The following SLC25A48 variants were observed in gnomAD, a reference collection of about 807,000 sequenced individuals.
SLC25A48 encodes the protein CTC-321K16.1.
Under a neutral mutation model 32.2 loss-of-function variants are expected in SLC25A48, and 29 were observed. The ratio of observed to expected loss-of-function variants is 0.90; its 90% CI spans 0.67 to 1.23. The LOEUF (loss-of-function observed/expected upper bound fraction) is 1.23, where lower values mean the gene tolerates loss of function less well. Among genes scored for constraint, SLC25A48 ranks in the 50% most tolerant of loss-of-function variants. SLC25A48 has a pLI of 0.00. For missense variants in SLC25A48, 399 were observed against 422.7 expected, an observed-to-expected ratio of 0.94 and a Z score of 0.49; for synonymous variants, 164 against 172.3, an observed-to-expected ratio of 0.95 and a Z score of 0.38.
chr5:135,709,162 AAGGTATCC>A (rs1370404535), intron 3 of SLC25A48, among the ~76,000 whole-genome samples: 1 of 152,200 alleles, frequency 6.6e-6, no homozygotes, highest in African/African-American at 2.4e-5. Context: ...GACAGCTCCC[AAGGTATCC>A]AGCCCCTGAG....
chr5:135,844,922 G>A (rs1318364265), intron 2 of SLC25A48, among the ~76,000 whole-genome samples: 1 of 152,194 alleles, frequency 6.6e-6, no homozygotes, highest in African/African-American at 2.4e-5. Context: ...TGTTGTTTCT[G>A]TAAAACCCAG....
intron 4 of SLC25A48, among the ~76,000 whole-genome samples, chr5:135,868,305 A>G (rs1581033460): frequency 1.3e-5 from 2 of 152,214 alleles, no homozygotes; most frequent in African/African-American, 4.8e-5. Context: ...GGAAAGCTCT[A>G]TTAACAAGCA....
At chr5:135,762,577 T>C (rs1756088613) in intron 3 of SLC25A48, among the ~76,000 whole-genome samples, 1 of 152,174 alleles carries the variant, frequency 6.6e-6, no homozygotes, top group African/African-American at 2.4e-5. Context: ...ATGGGTATAT[T>C]ATAGTATATA....
In SLC25A48 at chr5:135,742,464, T is replaced by C. The variant is rs988616489; in HGVS notation, c.-520-70059T>C. 2.3e-5 allele frequency: 36 copies of C among 1,554,758 alleles called. No individual in the cohort carries two copies. The African/African-American group carries it at 4.4e-4, about 19-fold the overall frequency. ...GGTTCCTGAGGTCTCACCTGTGTGT[T>C]TTCATCCTCTGCTAGGCCATGGGCA... is the stretch of plus-strand genomic sequence containing the variant. On this transcript the variant is annotated intron_variant, in intron 3 of 10. Coordinates refer to the SLC25A48 transcript ENST00000646290.
At chr5:135,874,541 G>T in intron 6 of SLC25A48, 1 of 568,448 alleles carries the variant, frequency 1.8e-6, no homozygotes, top group Non-Finnish European at 3.1e-6. Context: ...AGTGGGAAGT[G>T]CCAGAGCTGC....
chr5:135,746,783 C>T (rs1755651764), intron 3 of SLC25A48, among the ~76,000 whole-genome samples: 2 of 152,110 alleles, frequency 1.3e-5, no homozygotes, highest in African/African-American at 4.8e-5. Flanking sequence ...AATAAGACCC[C>T]TCCCACCCTA....
At chr5:135,877,222 G>A (rs766224306) in intron 6 of SLC25A48, among the ~76,000 whole-genome samples, 3 of 152,134 alleles carry the variant, frequency 2.0e-5, no homozygotes, top group South Asian at 2.1e-4. Context: ...TGTTAGGGTC[G>A]TCTTGGGCTA....
chr5:135,811,281 C>T (rs1757585354), intron 3 of SLC25A48, among the ~76,000 whole-genome samples: 1 of 152,150 alleles, frequency 6.6e-6, no homozygotes, highest in African/African-American at 2.4e-5. Flanking sequence ...CATGGATGAG[C>T]CTACAGGACA....
intron 1 of SLC25A48, among the ~76,000 whole-genome samples, chr5:135,841,099 T>C (rs1314548104): frequency 6.6e-6 from 1 of 152,218 alleles, no homozygotes; most frequent in Non-Finnish European, 1.5e-5. Context: ...TTTTTTTCAA[T>C]TGTAGCTATC....
intron 3 of SLC25A48, among the ~76,000 whole-genome samples, chr5:135,763,235 A>C (rs1368706536): frequency 6.6e-6 from 1 of 152,138 alleles, no homozygotes; most frequent in Admixed American, 6.6e-5. Flanking sequence ...ATTTGCTGGC[A>C]TTTGACTCAC....
chr5:135,682,046 T>C (rs971803613), intron 3 of SLC25A48, among the ~76,000 whole-genome samples: 4 of 152,228 alleles, frequency 2.6e-5, no homozygotes, highest in Non-Finnish European at 5.9e-5. Flanking sequence ...GAGCTCTCTC[T>C]GTGCAATTCT....
chr5:135,705,130 C>T (rs1052302907), intron 3 of SLC25A48, among the ~76,000 whole-genome samples: 6 of 152,232 alleles, frequency 3.9e-5, no homozygotes, highest in African/African-American at 7.2e-5. Flanking sequence ...ACATAACCCC[C>T]GTCCTCCCTG....
rs553044774 is a variant in SLC25A48, at chr5:135,747,998, G to A, written c.-520-64525G>A. On this transcript the variant is annotated intron_variant, in intron 3 of 10. Coordinates refer to the SLC25A48 transcript ENST00000646290. ...ACTTAGTAACACATGGTCCCAGCCA[G>A]CACTGAGTTAGATTCCAGACTGACC... Among the ~76,000 whole-genome samples the A allele has an allele frequency of 2.9e-3, 447 of 152,320 alleles. 1 individual carries two copies. The highest frequency in any genetic ancestry group is 7.9e-3 in the South Asian group (38 of 4,818).
At chr5:135,861,407 T>G (rs1760784357) in intron 4 of SLC25A48, among the ~76,000 whole-genome samples, 1 of 152,168 alleles carries the variant, frequency 6.6e-6, no homozygotes, top group African/African-American at 2.4e-5. Context: ...CTTATAATTC[T>G]ACTTCCACTG....
chr5:135,667,655 C>T (rs115526944), intron 3 of SLC25A48, among the ~76,000 whole-genome samples: 4 of 152,290 alleles, frequency 2.6e-5, no homozygotes, highest in South Asian at 4.1e-4. Context: ...CAGTGAATAC[C>T]TTGTCTTACT....
chr5:135,731,253 G>C (rs1434514211), intron 3 of SLC25A48, among the ~76,000 whole-genome samples: 1 of 152,168 alleles, frequency 6.6e-6, no homozygotes, highest in Non-Finnish European at 1.5e-5. Flanking sequence ...TCACAAGGCA[G>C]TGTCATCAGT....
chr5:135,863,746 C>A (rs1760984950), intron 4 of SLC25A48, among the ~76,000 whole-genome samples: 1 of 152,170 alleles, frequency 6.6e-6, no homozygotes, highest in African/African-American at 2.4e-5. Context: ...GGGAATTACC[C>A]CAGGCTGTGC....
At chr5:135,832,455 A>G (rs941755892), upstream of SLC25A48, among the ~76,000 whole-genome samples, 1 of 151,896 alleles carries the variant, frequency 6.6e-6, no homozygotes, top group Non-Finnish European at 1.5e-5. Context: ...GGACATGGGG[A>G]GGGGATTGTT....
intron 3 of SLC25A48, among the ~76,000 whole-genome samples, chr5:135,791,514 G>A (rs9637922): frequency 0.65 from 98,774 of 150,956 alleles, 34,257 homozygotes; most frequent in Non-Finnish European, 0.77. Context: ...GTTACAGGGG[G>A]TGTACACCCA....
Sources: allele counts gnomAD v4.1 joint callset (sites outside exome capture counted in the v4.1 genomes callset), GRCh38; gene constraint gnomAD v4.1.1; transcripts MANE v1.5; gene names NCBI Gene and HGNC (gene_info 2026-07-23, HGNC 2026-07-21).